Variants in RAD51B observed in about 807,000 individuals in gnomAD.
RAD51B encodes the protein DNA repair protein RAD51 homolog 2.
A neutral mutation model predicts 42.2 loss-of-function variants in RAD51B; 38 were observed. The observed-to-expected ratio is 0.90, with a 90% CI of 0.70 to 1.18. RAD51B has a LOEUF of 1.18. RAD51B is among the 50% of genes most tolerant of loss of function. The pLI is 0.00. For missense variants in RAD51B, 373 were observed against 400.7 expected (o/e 0.93, Z 0.59); for synonymous variants, 154 against 145.2 (o/e 1.06, Z -0.43).
At chr14:68,391,134 T>TTTTTCTTTCTTTC (rs1388376049) in intron 8 of RAD51B, among the ~76,000 whole-genome samples, 1 of 109,080 alleles carries the variant, frequency 9.2e-6, no homozygotes, top group African/African-American at 3.9e-5. Flanking sequence ...TTTATGAGAC[T>TTTTTCTTTCTTTC]TGTCTTTCTT....
At chr14:68,067,931 C>CAAAAAAAAAAAA (rs913150528) in intron 7 of RAD51B, among the ~76,000 whole-genome samples, 1 of 24,704 alleles carries the variant, frequency 4.0e-5, no homozygotes. Flanking sequence ...GACTCCATCT[C>CAAAAAAAAAAAA]AAAAAAAAAA....
chr14:68,195,048 G>A lies in RAD51B; in HGVS notation c.757-96836G>A, dbSNP rs908291475. Reference sequence around the variant, plus strand: ...GGCAAGCACTGTGGTAGGACCTGGGGATATGAAGTTGAAGAAGACCTGGGC... The same window carrying A: ...GGCAAGCACTGTGGTAGGACCTGGGAATATGAAGTTGAAGAAGACCTGGGC... On this transcript the variant is annotated intron_variant, in intron 7 of 10. Transcript: ENST00000471583. Among the ~76,000 whole-genome samples the A allele has an allele frequency of 2.0e-5, 3 of 152,138 alleles. No individual in the cohort carries two copies. The East Asian group carries it at 5.8e-4, about 29-fold the overall frequency.
chr14:68,136,964 T>G (rs10129992), intron 7 of RAD51B, among the ~76,000 whole-genome samples: 26,872 of 36,936 alleles, frequency 0.73, 11,588 homozygotes, highest in East Asian at 0.97. Context: ...AGTATGGAAA[T>G]AACAGATGGA....
intron 10 of RAD51B, among the ~76,000 whole-genome samples, chr14:68,578,929 T>C (rs1371021252): frequency 6.6e-6 from 1 of 152,196 alleles, no homozygotes; most frequent in East Asian, 1.9e-4. Context: ...TCCTTCTAGC[T>C]CACTGTGTGG....
intron 5 of RAD51B, among the ~76,000 whole-genome samples, chr14:67,879,808 T>A (rs947540642): frequency 1.3e-5 from 2 of 152,188 alleles, no homozygotes; most frequent in African/African-American, 4.8e-5. Context: ...TTATACTGGT[T>A]ATAGTTGGAA....
chr14:68,275,812 ACACACACAC>A (rs1482383762), intron 7 of RAD51B, among the ~76,000 whole-genome samples: 1 of 150,406 alleles, frequency 6.6e-6, no homozygotes, highest in Non-Finnish European at 1.5e-5. Context: ...ACACACACAC[ACACACACAC>A]ACACACACAC....
intron 8 of RAD51B, among the ~76,000 whole-genome samples, chr14:68,345,681 G>C (rs1292783424): frequency 6.7e-6 from 1 of 150,262 alleles, no homozygotes; most frequent in Non-Finnish European, 1.5e-5. Flanking sequence ...TTTTGAGACA[G>C]AGTATTGCTC....
At chr14:68,639,187 T>C (rs748914048) in intron 10 of RAD51B, among the ~76,000 whole-genome samples, 18 of 152,204 alleles carry the variant, frequency 1.2e-4, no homozygotes, top group Non-Finnish European at 2.4e-4. Context: ...GACTCCAGAA[T>C]CTCAGCTGTG....
intron 7 of RAD51B, among the ~76,000 whole-genome samples, chr14:68,107,551 T>A (rs940900216): frequency 2.0e-5 from 3 of 151,816 alleles, no homozygotes; most frequent in Non-Finnish European, 3.0e-5. Flanking sequence ...GGAAGACTCA[T>A]ATTTTCCAGT....
chr14:68,295,752 A>T (rs1469664303), intron 8 of RAD51B, among the ~76,000 whole-genome samples: 4 of 152,140 alleles, frequency 2.6e-5, no homozygotes, highest in Non-Finnish European at 5.9e-5. Context: ...GTCAACTCAG[A>T]TCATTTTATC....
intron 7 of RAD51B, among the ~76,000 whole-genome samples, chr14:68,126,789 A>G (rs1401168959): frequency 6.6e-6 from 1 of 152,200 alleles, no homozygotes; most frequent in Non-Finnish European, 1.5e-5. Flanking sequence ...CTACTTTCCC[A>G]GACTTAAAAG....
In RAD51B at chr14:68,548,124, TTCTC is replaced by T. The variant is rs148163476; in HGVS notation, c.1037-46355_1037-46352del. 9.6e-4 allele frequency among the ~76,000 whole-genome samples: 146 copies of T among 152,296 alleles called. 1 individual carries two copies. Among genetic ancestry groups the T allele is most frequent in the African/African-American group, 3.3e-3 (139 of 41,548 alleles). On this transcript the variant is annotated intron_variant, in intron 10 of 10. Coordinates refer to the RAD51B transcript ENST00000487270. ...CTAAAGTCAGCAGGATATTCTCATG[TTCTC>T]TCTCTGTTAATTGCCTCCTCTCTTT...
At chr14:68,552,465 CT>C (rs1449199569) in intron 10 of RAD51B, among the ~76,000 whole-genome samples, 2 of 152,152 alleles carry the variant, frequency 1.3e-5, no homozygotes, top group Admixed American at 1.3e-4. Context: ...GCCCCATTCC[CT>C]TTTGAGACAC....
intron 8 of RAD51B, among the ~76,000 whole-genome samples, chr14:68,358,907 T>A (rs1159829915): frequency 6.6e-6 from 1 of 152,156 alleles, no homozygotes; most frequent in East Asian, 1.9e-4. Flanking sequence ...AGGAAGAAAT[T>A]CACCATGCTT....
At chr14:68,526,758 C>T (rs1886959450) in intron 10 of RAD51B, among the ~76,000 whole-genome samples, 1 of 152,220 alleles carries the variant, frequency 6.6e-6, no homozygotes, top group African/African-American at 2.4e-5. Flanking sequence ...GCATGGCCCA[C>T]CAAGAGCCTC....
intron 10 of RAD51B, among the ~76,000 whole-genome samples, chr14:68,586,734 G>A (rs1342303689): frequency 2.0e-5 from 3 of 152,298 alleles, no homozygotes; most frequent in Admixed American, 6.5e-5. Context: ...GCCGGGTGCG[G>A]TGTTTCACCC....
chr14:68,402,260 A>T (rs1039008248), intron 8 of RAD51B, among the ~76,000 whole-genome samples: 9 of 152,162 alleles, frequency 5.9e-5, no homozygotes, highest in African/African-American at 1.9e-4. Flanking sequence ...TAACTTACTC[A>T]TCCTCTTCGC....
At chr14:67,834,336 C>T (rs2041157797) in intron 3 of RAD51B, among the ~76,000 whole-genome samples, 1 of 112,758 alleles carries the variant, frequency 8.9e-6, no homozygotes, top group Non-Finnish European at 1.6e-5. Context: ...ACCCATTTTG[C>T]AAATAAGGTA....
At chr14:67,966,727 C>G (rs1187878377) in intron 7 of RAD51B, among the ~76,000 whole-genome samples, 1 of 152,196 alleles carries the variant, frequency 6.6e-6, no homozygotes, top group Non-Finnish European at 1.5e-5. Flanking sequence ...GCTTTCCTCA[C>G]AGAATCAGTA....
Sources: gnomAD v4.1 joint callset for allele counts (sites outside exome capture counted in the v4.1 genomes callset) on GRCh38, gnomAD v4.1.1 for gene constraint, MANE v1.5 for transcripts, NCBI Gene and HGNC (gene_info 2026-07-23, HGNC 2026-07-21) for gene names.